Variants in PHF14 observed in about 807,000 individuals in gnomAD.
The protein encoded by PHF14 is PHD finger protein 14.
In PHF14, 55 loss-of-function variants were observed where a neutral mutation model predicts 117.9. The ratio of observed to expected loss-of-function variants is 0.47; its 90% CI spans 0.38 to 0.58. The LOEUF (loss-of-function observed/expected upper bound fraction) is 0.58. PHF14 is among the 20% of genes least tolerant of loss of function. PHF14 has a pLI of 0.00. For synonymous variants in PHF14, 409 were observed against 368.6 expected, an observed-to-expected ratio of 1.11 and a Z score of -1.26; for missense variants, 978 against 1,122.2, an observed-to-expected ratio of 0.87 and a Z score of 1.84.
chr7:11,102,812 A>G (rs1787136788), intron 16 of PHF14: 1 of 1,295,200 alleles, frequency 7.7e-7, no homozygotes, highest in Non-Finnish European at 9.8e-7. Flanking sequence ...CATTGTTGAA[A>G]AATACTGGAT....
At chr7:11,127,584 A>C (rs1787963959) in intron 17 of PHF14, among the ~76,000 whole-genome samples, 1 of 151,998 alleles carries the variant, frequency 6.6e-6, no homozygotes, top group African/African-American at 2.4e-5. Flanking sequence ...TTGTCCTCCA[A>C]ACTCCCAGGG....
chr7:11,142,094 C>T (rs1178956825), intron 17 of PHF14, among the ~76,000 whole-genome samples: 1 of 151,996 alleles, frequency 6.6e-6, no homozygotes, highest in Non-Finnish European at 1.5e-5. Flanking sequence ...TTTGCTGCTG[C>T]ATATGCTTCT....
At chr7:10,990,924 C>A in intron 4 of PHF14, 77 bp downstream of exon 4, 2 of 977,444 alleles carry the variant, frequency 2.0e-6, no homozygotes, top group Non-Finnish European at 3.0e-6. Context: ...GGTGGTTCTA[C>A]AATATTTCAT....
intron 3 of PHF14, among the ~76,000 whole-genome samples, chr7:10,987,800 A>T (rs865812590): frequency 6.6e-5 from 10 of 152,116 alleles, no homozygotes; most frequent in Non-Finnish European, 7.4e-5. Context: ...AGTTGATAAT[A>T]AATCAGGTTT....
intron 16 of PHF14, chr7:11,071,364 T>A: frequency 2.2e-6 from 1 of 464,812 alleles, no homozygotes; most frequent in Non-Finnish European, 4.2e-6. Flanking sequence ...TTATGTAGAC[T>A]ATGATTATTT....
At chr7:11,116,459 C>G (rs774986095) in intron 17 of PHF14, among the ~76,000 whole-genome samples, 2 of 151,962 alleles carry the variant, frequency 1.3e-5, no homozygotes, top group Non-Finnish European at 2.9e-5. Flanking sequence ...TATATTTTTG[C>G]TTTCATAGAC....
intron 16 of PHF14, chr7:11,104,291 A>T: frequency 3.0e-6 from 3 of 983,864 alleles, no homozygotes; most frequent in Non-Finnish European, 3.6e-6. Context: ...GTCACATGTT[A>T]TACATATAGA....
intron 2 of PHF14, among the ~76,000 whole-genome samples, chr7:10,979,957 C>T (rs1016252106): frequency 6.6e-6 from 1 of 151,948 alleles, no homozygotes; most frequent in Non-Finnish European, 1.5e-5. Context: ...AGTTAACAAA[C>T]ATAAAACATT....
intron 17 of PHF14, among the ~76,000 whole-genome samples, chr7:11,129,612 ATAT>A (rs959234808): frequency 1.9e-4 from 29 of 150,980 alleles, no homozygotes; most frequent in African/African-American, 6.8e-4. Context: ...ATTTACCAAA[ATAT>A]TTTCTTTCTG....
At chr7:11,139,538 A>G (rs1299157374) in intron 17 of PHF14, among the ~76,000 whole-genome samples, 1 of 152,212 alleles carries the variant, frequency 6.6e-6, no homozygotes, top group Non-Finnish European at 1.5e-5. Flanking sequence ...GAGAAATTAA[A>G]GACAAACAGA....
chr7:11,150,552 C>G, intron 17 of PHF14, among the ~76,000 whole-genome samples: 1 of 151,942 alleles, frequency 6.6e-6, no homozygotes, highest in South Asian at 2.1e-4. Context: ...ATTTTTATTT[C>G]TTTCTTCTCA....
intron 17 of PHF14, among the ~76,000 whole-genome samples, chr7:11,133,588 G>A (rs765566785): frequency 6.6e-6 from 1 of 151,928 alleles, no homozygotes; most frequent in Non-Finnish European, 1.5e-5. Flanking sequence ...GAGGAAGTTA[G>A]GGATCAGAAG....
chr7:11,103,169 A>G, intron 16 of PHF14: 1 of 978,434 alleles, frequency 1.0e-6, no homozygotes, highest in Non-Finnish European at 1.2e-6. Context: ...TTTTTGACTT[A>G]TTAGTCCTAG....
chr7:11,127,937 T>C (rs912760782), intron 17 of PHF14, among the ~76,000 whole-genome samples: 2 of 152,042 alleles, frequency 1.3e-5, no homozygotes, highest in Non-Finnish European at 2.9e-5. Flanking sequence ...TCAAACACTT[T>C]ATACCAGTTC....
chr7:11,167,943 G>A (rs903738572), intron 17 of PHF14, among the ~76,000 whole-genome samples: 1 of 151,130 alleles, frequency 6.6e-6, no homozygotes, highest in South Asian at 2.1e-4. Flanking sequence ...GGAGAATGGC[G>A]TGAACCTGGG....
intron 17 of PHF14, among the ~76,000 whole-genome samples, chr7:11,168,706 A>T (rs992744441): frequency 2.0e-5 from 3 of 152,208 alleles, no homozygotes; most frequent in Non-Finnish European, 2.9e-5. Context: ...TTGAAAGAAC[A>T]TGTATGATGA....
rs1010674922 is a variant in PHF14, at chr7:11,104,338, A to G, written c.2655-7012A>G. 18 of 976,736 alleles carry G rather than the reference A, an allele frequency of 1.8e-5. No individual in the cohort carries two copies. In the African/African-American group the frequency reaches 3.2e-4, roughly 17 times the overall value. The allele number at this position is 976,736 out of a possible 1,614,324, so 60.5% of individuals were successfully genotyped here. ...ATAAGATATAGGTCCTGCAAAAAGT[A>G]TAGTTGAAGTAAGAAAACTTGAAGT... On this transcript the variant is annotated intron_variant, in intron 16 of 17. Transcript: ENST00000634607.
At chr7:11,102,974 A>G (rs371800252) in intron 16 of PHF14, 86 of 999,994 alleles carry the variant, frequency 8.6e-5, no homozygotes, top group Non-Finnish European at 1.0e-4. Context: ...GTGATTGAAC[A>G]ATACAAATAA....
intron 2 of PHF14, among the ~76,000 whole-genome samples, chr7:10,981,831 TGTA>T (rs565025111): frequency 5.8e-4 from 88 of 152,320 alleles, no homozygotes; most frequent in Non-Finnish European, 1.1e-3. Context: ...ATATTAGAGT[TGTA>T]GTATAAGTTG....
Sources: gnomAD v4.1 joint callset for allele counts (sites outside exome capture counted in the v4.1 genomes callset) on GRCh38, gnomAD v4.1.1 for gene constraint, MANE v1.5 for transcripts, NCBI Gene and HGNC (gene_info 2026-07-23, HGNC 2026-07-21) for gene names.